The following ZNF600 variants were observed in gnomAD, a reference collection of about 807,000 sequenced individuals.
The protein encoded by ZNF600 is zinc finger protein 600.
A neutral mutation model predicts 7.3 loss-of-function variants in ZNF600; 4 were observed. That is an observed-to-expected ratio of 0.55 (90% CI 0.27 to 1.25). The LOEUF (loss-of-function observed/expected upper bound fraction) is 1.25. Ranked by LOEUF, ZNF600 falls within the 50% of genes most tolerant of loss-of-function variation. ZNF600 has a pLI of 0.12. For missense variants in ZNF600, 911 were observed against 922.1 expected (o/e 0.99, Z 0.16); for synonymous variants, 290 against 308.9 (o/e 0.94, Z 0.64).
At chr19:52,819,855 T>TA in the ZNF600 span, among the ~76,000 whole-genome samples, 1 of 143,010 alleles carries the variant, frequency 7.0e-6, no homozygotes. Context: ...TGCAGCAGTG[T>TA]AAACACACAG....
At chr19:52,791,985 C>T in the ZNF600 span, among the ~76,000 whole-genome samples, 24 of 152,358 alleles carry the variant, frequency 1.6e-4, no homozygotes, top group East Asian at 2.7e-3. Context: ...CAAGCACCTG[C>T]GCCACTGCAG....
chr19:52,777,836 G>C (rs144071156), intron 2 of ZNF600, among the ~76,000 whole-genome samples: 1 of 152,010 alleles, frequency 6.6e-6, no homozygotes, highest in African/African-American at 2.4e-5. Context: ...CTTAAAATAA[G>C]TAAATAAATA....
intron 1 of ZNF600, among the ~76,000 whole-genome samples, chr19:52,785,083 T>G (rs2031242581): frequency 6.6e-6 from 1 of 150,540 alleles, no homozygotes; most frequent in Non-Finnish European, 1.5e-5. Flanking sequence ...TGTGCATATC[T>G]CTCATTCTCC....
the ZNF600 span, among the ~76,000 whole-genome samples, chr19:52,810,952 C>T: frequency 7.6e-6 from 1 of 131,106 alleles, no homozygotes; most frequent in African/African-American, 2.8e-5. Flanking sequence ...CAAAGCTGGA[C>T]GGTACTGCTG....
At chr19:52,804,615 C>T in the ZNF600 span, among the ~76,000 whole-genome samples, 2,421 of 152,328 alleles carry the variant, frequency 0.016, 72 homozygotes, top group African/African-American at 0.056. Context: ...AAGTGATCAA[C>T]CGATCGCAGT....
the ZNF600 span, among the ~76,000 whole-genome samples, chr19:52,795,976 A>C: frequency 6.6e-6 from 1 of 151,946 alleles, no homozygotes; most frequent in Non-Finnish European, 1.5e-5. Flanking sequence ...GGAGTTCGAG[A>C]CCAGCTTGGG....
upstream of ZNF600, among the ~76,000 whole-genome samples, chr19:52,787,401 CT>C (rs1167453014): frequency 0.054 from 6,154 of 114,796 alleles, 69 homozygotes; most frequent in African/African-American, 0.076. Context: ...CGCTCTTTTA[CT>C]TTTTTTTTTT....
the ZNF600 span, among the ~76,000 whole-genome samples, chr19:52,820,342 C>A: frequency 7.3e-6 from 1 of 137,184 alleles, no homozygotes; most frequent in Non-Finnish European, 1.5e-5. Context: ...TGGTCTCGAT[C>A]TCCTGACCTC....
the ZNF600 span, chr19:52,798,840 C>A: frequency 1.8e-6 from 2 of 1,132,330 alleles, no homozygotes; most frequent in East Asian, 3.5e-5. Flanking sequence ...TTGTGACAAT[C>A]ATTATATTAG....
At chr19:52,785,218 G>C (rs1421321405) in intron 1 of ZNF600, among the ~76,000 whole-genome samples, 1 of 150,036 alleles carries the variant, frequency 6.7e-6, no homozygotes, top group Non-Finnish European at 1.5e-5. Context: ...CACCTCTTCT[G>C]CTCCATTCTC....
At chr19:52,795,708 A>G in the ZNF600 span, among the ~76,000 whole-genome samples, 1 of 152,106 alleles carries the variant, frequency 6.6e-6, no homozygotes, top group Non-Finnish European at 1.5e-5. Flanking sequence ...CTGGGATTAC[A>G]GGCACTCGCC....
chr19:52,811,346 G>T, the ZNF600 span, among the ~76,000 whole-genome samples: 2 of 148,386 alleles, frequency 1.3e-5, no homozygotes, highest in African/African-American at 5.2e-5. Flanking sequence ...ACTCTGCCTG[G>T]CCGCCCATTG....
chr19:52,783,966 C>CA (rs1236382860), intron 1 of ZNF600, among the ~76,000 whole-genome samples: 3 of 152,026 alleles, frequency 2.0e-5, no homozygotes, highest in Admixed American at 2.0e-4. Context: ...CCCAGCTACT[C>CA]GGGGGAAGTA....
At chr19:52,804,029 T>C in the ZNF600 span, among the ~76,000 whole-genome samples, 1 of 152,206 alleles carries the variant, frequency 6.6e-6, no homozygotes, top group African/African-American at 2.4e-5. Context: ...TAATAGGATG[T>C]TCCTGCAGAT....
chr19:52,770,116 G>A lies in ZNF600; in HGVS notation c.191-2344C>T, dbSNP rs917228674. On this transcript the variant is annotated intron_variant, in intron 3 of 3. Coordinates refer to ENST00000648973, the Ensembl canonical transcript of ZNF600. Reference sequence around the variant, plus strand: ...AGATCACTACCTTCTCATGTATGAGGTCAAGAAAATACACAGCATTTTAAG... The same window carrying A: ...AGATCACTACCTTCTCATGTATGAGATCAAGAAAATACACAGCATTTTAAG... Among the ~76,000 whole-genome samples the A allele has an allele frequency of 6.6e-5, 10 of 152,100 alleles. 1 individual carries two copies. In the South Asian group the frequency reaches 1.0e-3, roughly 16 times the overall value.
At chr19:52,782,806 C>G (rs1007861267) in intron 1 of ZNF600, among the ~76,000 whole-genome samples, 4 of 151,840 alleles carry the variant, frequency 2.6e-5, no homozygotes, top group Non-Finnish European at 5.9e-5. Context: ...ACCCGAGAGC[C>G]GGAGGTTGCA....
chr19:52,822,442 A>G, the ZNF600 span, among the ~76,000 whole-genome samples: 1 of 152,190 alleles, frequency 6.6e-6, no homozygotes, highest in Non-Finnish European at 1.5e-5. Flanking sequence ...ATCTTCCCCG[A>G]AATGAGAAAT....
chr19:52,782,381 G>A (rs764285117), intron 1 of ZNF600, among the ~76,000 whole-genome samples: 22 of 151,674 alleles, frequency 1.5e-4, no homozygotes, highest in Non-Finnish European at 2.5e-4. Context: ...AAATTAGCCG[G>A]CCATGGTGGT....
chr19:52,809,923 G>A, the ZNF600 span: 21 of 845,794 alleles, frequency 2.5e-5, 1 homozygote, highest in African/African-American at 1.7e-4. Flanking sequence ...GGGGCCGGTG[G>A]GGAGGCCGGG....
Sources: allele counts gnomAD v4.1 joint callset (sites outside exome capture counted in the v4.1 genomes callset), GRCh38; gene constraint gnomAD v4.1.1; transcripts MANE v1.5; gene names NCBI Gene and HGNC (gene_info 2026-07-23, HGNC 2026-07-21).